Variants in USH2A observed in about 807,000 individuals in gnomAD.
The protein encoded by USH2A is usherin.
A neutral mutation model predicts 538.9 loss-of-function variants in USH2A; 443 were observed. The ratio of observed to expected loss-of-function variants is 0.82; its 90% CI spans 0.76 to 0.89. The LOEUF (loss-of-function observed/expected upper bound fraction) is 0.89. Ranked by LOEUF, USH2A falls within the 40% of genes least tolerant of loss-of-function variation. The pLI is 0.00. For missense variants in USH2A, 6,633 were observed against 6,324.8 expected, an observed-to-expected ratio of 1.05 and a Z score of -1.65; for synonymous variants, 2,413 against 2,273.5, an observed-to-expected ratio of 1.06 and a Z score of -1.75.
At chr1:215,752,044 C>T (rs1660636785) in intron 58 of USH2A, among the ~76,000 whole-genome samples, 1 of 152,086 alleles carries the variant, frequency 6.6e-6, no homozygotes, top group African/African-American at 2.4e-5. Flanking sequence ...TGTATGTGCT[C>T]TGTTTGTCAT....
chr1:215,786,938 G>T, intron 51 of USH2A, 64 bp from the exon 52 acceptor site: 5 of 1,505,136 alleles, frequency 3.3e-6, no homozygotes, highest in Non-Finnish European at 3.7e-6. Flanking sequence ...GACATACATA[G>T]GGTAGGCTTT....
chr1:215,718,562 CT>C (rs1330306096), intron 61 of USH2A, among the ~76,000 whole-genome samples: 15 of 152,298 alleles, frequency 9.8e-5, no homozygotes, highest in African/African-American at 3.6e-4. Flanking sequence ...ATGCAATTCC[CT>C]CTCTATTTAG....
intron 3 of USH2A, among the ~76,000 whole-genome samples, chr1:216,410,492 AC>A (rs1157406976): frequency 2.0e-5 from 3 of 152,030 alleles, no homozygotes; most frequent in Non-Finnish European, 2.9e-5. Flanking sequence ...CTTTTGTTAC[AC>A]CTTTTTAAAT....
At chr1:215,920,164 G>C (rs916584682) in intron 38 of USH2A, among the ~76,000 whole-genome samples, 1 of 151,954 alleles carries the variant, frequency 6.6e-6, no homozygotes, top group Non-Finnish European at 1.5e-5. Context: ...AAAGACCTTT[G>C]TGTTCAATTA....
In USH2A at chr1:215,952,025, C is replaced by T. The variant is rs1314371796; in HGVS notation, c.7120+13292G>A. On this transcript the variant is annotated intron_variant, in intron 37 of 71. Coordinates refer to ENST00000307340, the MANE Select transcript of USH2A (RefSeq NM_206933.4). ...GACTACAGGCGCCCGCCACCGCGCC[C>T]GGCTAATTTTTTGTCTTTTTAGTAG... Among the ~76,000 whole-genome samples the T allele has an allele frequency of 1.0e-4, 15 of 150,692 alleles. 1 individual carries two copies. The highest frequency in any genetic ancestry group is 2.0e-4 in the Admixed American group (3 of 15,100).
intron 64 of USH2A, among the ~76,000 whole-genome samples, chr1:215,658,125 C>T (rs775454262): frequency 1.3e-5 from 2 of 151,816 alleles, no homozygotes; most frequent in South Asian, 2.1e-4. Flanking sequence ...TTAGTAGAGA[C>T]GGTGTTTCAC....
chr1:215,625,800 A>C lies in USH2A; in HGVS notation c.15590T>G (p.Phe5197Cys). The change falls in exon 72 of 72, where the codon TTC becomes TGC. Residue 5197 changes from phenylalanine (F) to cysteine (C), a missense_variant. By Grantham distance (205) the Phe-to-Cys change is radical (BLOSUM62 -2). Coordinates refer to ENST00000307340, the MANE Select transcript of USH2A (RefSeq NM_206933.4). ...FSSVTKERTT[F>C]TDTHL is the part of the protein sequence containing the mutation. ...CATCCTTTACAGGTGGGTGTCTGTG[A>C]ATGTGGTGCGTTCCTTAGTCACTGA... 1 of 1,614,070 alleles carries C rather than the reference A, an allele frequency of 6.2e-7. No homozygotes were observed. Among genetic ancestry groups the C allele is most frequent in the Non-Finnish European group, 8.5e-7 (1 of 1,179,978 alleles).
At chr1:215,769,672 G>T (rs1419033027) in intron 55 of USH2A, among the ~76,000 whole-genome samples, 1 of 152,120 alleles carries the variant, frequency 6.6e-6, no homozygotes, top group Non-Finnish European at 1.5e-5. Context: ...TGGGGGTAGG[G>T]CTGGTGGAAG....
intron 31 of USH2A, among the ~76,000 whole-genome samples, chr1:216,047,667 G>C (rs893487026): frequency 6.6e-6 from 1 of 152,124 alleles, no homozygotes; most frequent in Non-Finnish European, 1.5e-5. Context: ...GGGTTTAAAA[G>C]AGGAAGGGGG....
chr1:216,163,561 A>C (rs1406006676), intron 21 of USH2A, among the ~76,000 whole-genome samples: 3 of 151,930 alleles, frequency 2.0e-5, no homozygotes, highest in Non-Finnish European at 2.9e-5. Context: ...ATTGTATAGG[A>C]AAAAATTGCA....
At chr1:215,922,332 A>T (rs1036323075) in intron 38 of USH2A, among the ~76,000 whole-genome samples, 1 of 152,126 alleles carries the variant, frequency 6.6e-6, no homozygotes, top group Non-Finnish European at 1.5e-5. Flanking sequence ...GTAGAACTCA[A>T]CATCTGGAAT....
intron 35 of USH2A, among the ~76,000 whole-genome samples, chr1:215,992,127 T>A (rs1344616137): frequency 6.6e-6 from 1 of 152,148 alleles, no homozygotes; most frequent in African/African-American, 2.4e-5. Context: ...TAAGACAAAC[T>A]AATAAAACTG....
Position 216,193,821 on chromosome 1 carries a change from C to T in USH2A, c.4251+2732G>A, listed in dbSNP as rs562680114. 7.9e-5 allele frequency among the ~76,000 whole-genome samples: 12 copies of T among 151,980 alleles called. No homozygotes were observed. In the South Asian group the frequency reaches 8.3e-4, roughly 11 times the overall value. On this transcript the variant is annotated intron_variant, in intron 19 of 71. Transcript: ENST00000307340. ...CTGGCTGTACTAACACCTAAATTTCCGTTGTTTTAAGACACTCAGTTTATG... is the reference window on the plus strand; with the variant it reads ...CTGGCTGTACTAACACCTAAATTTCTGTTGTTTTAAGACACTCAGTTTATG...
intron 4 of USH2A, among the ~76,000 whole-genome samples, chr1:216,331,807 A>T (rs1409595615): frequency 6.6e-6 from 1 of 152,144 alleles, no homozygotes; most frequent in Non-Finnish European, 1.5e-5. Flanking sequence ...GTATATAGGT[A>T]AAAACTATAA....
In USH2A at chr1:216,200,102, G is replaced by A; in HGVS notation, c.3336C>T (p.Asp1112=). The A allele has an allele frequency of 6.2e-7, 1 of 1,610,790 alleles. No homozygotes were observed. The highest frequency in any genetic ancestry group is 2.2e-5 in the East Asian group (1 of 44,746). ...QYPYSIQYFL[D]TDLLPYTKYS... Reference sequence around the variant, plus strand: ...ATTTGGTATATGGTAACAGGTCTGTGTCTAAGAAGTATTGAATACCTGAAA... The same window carrying A: ...ATTTGGTATATGGTAACAGGTCTGTATCTAAGAAGTATTGAATACCTGAAA... The change falls in exon 17 of 72, where the codon GAC becomes GAT. Residue 1112 remains aspartate, a synonymous_variant. Transcript: ENST00000307340.
intron 40 of USH2A, among the ~76,000 whole-genome samples, chr1:215,895,112 T>C (rs895067870): frequency 2.6e-5 from 4 of 152,162 alleles, no homozygotes; most frequent in African/African-American, 9.6e-5. Context: ...GGAAAAACAG[T>C]ATCATATCCA....
At chr1:215,891,008 T>A (rs1039645838) in intron 40 of USH2A, among the ~76,000 whole-genome samples, 2 of 152,186 alleles carry the variant, frequency 1.3e-5, no homozygotes, top group African/African-American at 4.8e-5. Context: ...ATATGTGAAC[T>A]ATCAAACTGT....
At chr1:216,392,322 C>G (rs571664769) in intron 3 of USH2A, among the ~76,000 whole-genome samples, 47 of 151,912 alleles carry the variant, frequency 3.1e-4, no homozygotes, top group African/African-American at 1.1e-3. Flanking sequence ...CACGGTGAAA[C>G]CCTGTCTCTA....
At chr1:216,011,971 A>ATTTT (rs36126185) in intron 32 of USH2A, among the ~76,000 whole-genome samples, 1 of 28,488 alleles carries the variant, frequency 3.5e-5, no homozygotes, top group Non-Finnish European at 6.1e-5. Context: ...ATCACGCTTG[A>ATTTT]TTTTTTTTTT....
Sources: gnomAD v4.1 joint callset for allele counts (sites outside exome capture counted in the v4.1 genomes callset) on GRCh38, gnomAD v4.1.1 for gene constraint, MANE v1.5 for transcripts, NCBI Gene and HGNC (gene_info 2026-07-23, HGNC 2026-07-21) for gene names.